ELF5: variants seen among roughly 807,000 people sequenced by gnomAD.
The protein encoded by ELF5 is ETS-related transcription factor Elf-5.
A neutral mutation model predicts 38.2 loss-of-function variants in ELF5; 31 were observed. The observed-to-expected ratio is 0.81, with a 90% CI of 0.61 to 1.10. The LOEUF is 1.10. ELF5 is among the 50% of genes least tolerant of loss of function. The probability of loss-of-function intolerance (pLI) is 0.00; values close to 1 mark genes in which losing one functional copy is unlikely to be tolerated. For missense variants in ELF5, 300 were observed against 306.6 expected (o/e 0.98, Z 0.16); for synonymous variants, 121 against 112.5 (o/e 1.08, Z -0.48).
At chr11:34,487,591 A>G (rs1850034627) in intron 4 of ELF5, among the ~76,000 whole-genome samples, 1 of 152,206 alleles carries the variant, frequency 6.6e-6, no homozygotes. Flanking sequence ...CAGCTTGCTC[A>G]GAATGAAATC....
chr11:34,501,280 G>T (rs181131127), intron 2 of ELF5, among the ~76,000 whole-genome samples: 3 of 152,130 alleles, frequency 2.0e-5, no homozygotes, highest in Non-Finnish European at 4.4e-5. Flanking sequence ...TTCTCTGGTG[G>T]TCCCTAAGGA....
chr11:34,491,463 G>A (rs1184427245), intron 3 of ELF5: 2 of 151,870 alleles, frequency 1.3e-5, no homozygotes, highest in Non-Finnish European at 1.5e-5. Flanking sequence ...GTGATTGCAG[G>A]AATTCCTTAC....
chr11:34,494,757 G>A (rs1156647223), intron 2 of ELF5, among the ~76,000 whole-genome samples: 1 of 152,128 alleles, frequency 6.6e-6, no homozygotes, highest in Non-Finnish European at 1.5e-5. Flanking sequence ...TATCTGCCAT[G>A]GAAAACATTC....
At chr11:34,503,626 A>G (rs1013757437) in intron 2 of ELF5, among the ~76,000 whole-genome samples, 1 of 147,798 alleles carries the variant, frequency 6.8e-6, no homozygotes, top group Non-Finnish European at 1.5e-5. Flanking sequence ...TTTTTAAACA[A>G]TTTTTTGTAG....
intron 2 of ELF5, among the ~76,000 whole-genome samples, chr11:34,494,655 C>T (rs1420387650): frequency 2.0e-5 from 3 of 152,130 alleles, no homozygotes; most frequent in Admixed American, 2.0e-4. Flanking sequence ...TCCTTCTGTT[C>T]TTAGGAGAAA....
At chr11:34,482,559 G>A in intron 4 of ELF5, 60 bp from the exon 5 acceptor site, 5 of 1,379,920 alleles carry the variant, frequency 3.6e-6, no homozygotes, top group Non-Finnish European at 5.0e-6. Flanking sequence ...CAGACCTCAA[G>A]TCATACCCAA....
chr11:34,511,883 T>TTAATGATAC, intron 1 of ELF5: 1 of 378,380 alleles, frequency 2.6e-6, no homozygotes, highest in Non-Finnish European at 4.8e-6. Flanking sequence ...GACCAAAAAT[T>TTAATGATAC]GGCCCAATTA....
chr11:34,511,876 C>A (rs967784073), intron 1 of ELF5: 2 of 397,762 alleles, frequency 5.0e-6, no homozygotes, highest in African/African-American at 2.0e-5. Context: ...GGCATGTGAC[C>A]AAAAATTGGC....
At chr11:34,482,626 G>A in intron 4 of ELF5, 127 bp from the exon 5 acceptor site, 1 of 688,400 alleles carries the variant, frequency 1.5e-6, no homozygotes, top group East Asian at 2.9e-5. Flanking sequence ...TAGGCACTTT[G>A]GGGGTGATTA....
chr11:34,506,530 T>A (rs979822122), intron 1 of ELF5, among the ~76,000 whole-genome samples: 1 of 152,190 alleles, frequency 6.6e-6, no homozygotes, highest in Non-Finnish European at 1.5e-5. Context: ...TTGTTTTTTT[T>A]AAAAGATGTA....
intron 1 of ELF5, among the ~76,000 whole-genome samples, chr11:34,509,391 C>A (rs1250120444): frequency 2.0e-5 from 3 of 152,150 alleles, no homozygotes; most frequent in Admixed American, 6.5e-5. Context: ...AAATATATAA[C>A]CGAGTTTGAA....
intron 4 of ELF5, among the ~76,000 whole-genome samples, chr11:34,486,527 A>G (rs916834360): frequency 2.0e-5 from 3 of 152,182 alleles, no homozygotes; most frequent in African/African-American, 7.2e-5. Context: ...TGGGCAGCAG[A>G]GTGAATAGAA....
chr11:34,494,481 T>C (rs1477179120), intron 2 of ELF5, among the ~76,000 whole-genome samples: 1 of 152,176 alleles, frequency 6.6e-6, no homozygotes, highest in African/African-American at 2.4e-5. Flanking sequence ...GTTGTTCTTG[T>C]GTTTTTGGTG....
rs1590338234 is a variant in ELF5 at position 34,501,599 on chromosome 11, A to G, written c.121+4030T>C. On this transcript the variant is annotated intron_variant, in intron 2 of 6. Transcript: ENST00000257832. ...TCCCCCCCAACCAACTCTCCCGCCC[A>G]CTTGGATACATTTTCCAGTAGTCAT... Among the ~76,000 whole-genome samples, 5 of 152,180 alleles carry G rather than the reference A, an allele frequency of 3.3e-5. No homozygotes were observed. The South Asian group carries it at 1.0e-3, about 32-fold the overall frequency.
At chr11:34,487,727 C>T (rs1054412418) in intron 4 of ELF5, among the ~76,000 whole-genome samples, 7 of 152,194 alleles carry the variant, frequency 4.6e-5, no homozygotes, top group African/African-American at 1.4e-4. Context: ...CAAGTTATTA[C>T]GCCTCCACTA....
chr11:34,510,311 GTTT>G (rs33963110), intron 1 of ELF5, among the ~76,000 whole-genome samples: 2 of 139,948 alleles, frequency 1.4e-5, no homozygotes, highest in Admixed American at 7.1e-5. Flanking sequence ...AGAAAAAGGT[GTTT>G]TTTTTTTTTT....
At chr11:34,509,283 G>A (rs999323583) in intron 1 of ELF5, among the ~76,000 whole-genome samples, 3 of 152,094 alleles carry the variant, frequency 2.0e-5, no homozygotes, top group Admixed American at 6.5e-5. Flanking sequence ...AGCTGAGATC[G>A]TGCCACTGCA....
chr11:34,511,436 G>GTCA, intron 1 of ELF5: 1 of 1,451,986 alleles, frequency 6.9e-7, no homozygotes, highest in Non-Finnish European at 9.6e-7. Context: ...CCCAAATGTA[G>GTCA]TCATCATTCT....
chr11:34,480,148 G>T lies in ELF5; in HGVS notation c.*70C>A. The T allele has an allele frequency of 7.9e-7, 1 of 1,269,850 alleles. No individual in the cohort carries two copies. The highest frequency in any genetic ancestry group is 1.1e-6 in the Non-Finnish European group (1 of 891,146). The allele number at this position is 1,269,850 out of a possible 1,614,324, so 78.7% of individuals were successfully genotyped here. ...AAAAGAGAAGAAAATGAAGCCTTTC[G>T]AATGTCTATTGCAATCTGATTGTTT... On this transcript the variant is annotated 3_prime_UTR_variant, in exon 7 of 7. Coordinates refer to ENST00000257832, the MANE Select transcript of ELF5 (RefSeq NM_001422.4).
Sources: allele counts gnomAD v4.1 joint callset (sites outside exome capture counted in the v4.1 genomes callset), GRCh38; gene constraint gnomAD v4.1.1; transcripts MANE v1.5; gene names NCBI Gene and HGNC (gene_info 2026-07-23, HGNC 2026-07-21).